STK32B: variants seen among roughly 807,000 people sequenced by gnomAD.
The protein encoded by STK32B is serine/threonine kinase 32B.
A neutral mutation model predicts 52.6 loss-of-function variants in STK32B; 43 were observed. The ratio of observed to expected loss-of-function variants is 0.82; its 90% CI spans 0.64 to 1.05. The LOEUF is 1.05. Ranked by LOEUF, STK32B falls within the 50% of genes least tolerant of loss-of-function variation. The probability of loss-of-function intolerance (pLI) is 0.00; values close to 1 mark genes in which losing one functional copy is unlikely to be tolerated. For synonymous variants in STK32B, 238 were observed against 204.3 expected, an observed-to-expected ratio of 1.17 and a Z score of -1.41; for missense variants, 621 against 534.6, an observed-to-expected ratio of 1.16 and a Z score of -1.59.
chr4:5,189,196 C>T (rs901737487), intron 3 of STK32B, among the ~76,000 whole-genome samples: 1 of 152,110 alleles, frequency 6.6e-6, no homozygotes, highest in South Asian at 2.1e-4. Flanking sequence ...TTAGGGTCTG[C>T]TCTTGGTGTT....
At chr4:5,277,830 C>T (rs896610706) in intron 3 of STK32B, among the ~76,000 whole-genome samples, 1 of 152,166 alleles carries the variant, frequency 6.6e-6, no homozygotes, top group Non-Finnish European at 1.5e-5. Flanking sequence ...AACCTATAAT[C>T]TGGTCCTTTG....
At chr4:5,483,811 G>A (rs1414494230) in intron 11 of STK32B, among the ~76,000 whole-genome samples, 1 of 152,082 alleles carries the variant, frequency 6.6e-6, no homozygotes, top group African/African-American at 2.4e-5. Context: ...TGGTTTCAAA[G>A]AACATCTTTA....
At chr4:5,334,554 C>T (rs1188072586) in intron 4 of STK32B, among the ~76,000 whole-genome samples, 2 of 152,122 alleles carry the variant, frequency 1.3e-5, no homozygotes, top group Middle Eastern at 3.2e-3. Flanking sequence ...TGTCTTGTGC[C>T]AGTTTTCAAA....
At chr4:5,437,380 C>A (rs1205698944) in intron 6 of STK32B, among the ~76,000 whole-genome samples, 1 of 152,240 alleles carries the variant, frequency 6.6e-6, no homozygotes, top group Non-Finnish European at 1.5e-5. Flanking sequence ...CTTTGAGCTT[C>A]CAGTAGCTCC....
intron 5 of STK32B, among the ~76,000 whole-genome samples, chr4:5,405,259 C>T (rs1003074456): frequency 1.3e-5 from 2 of 151,654 alleles, no homozygotes; most frequent in East Asian, 3.9e-4. Flanking sequence ...GAGTGAGGGA[C>T]TGCCCAAGTC....
chr4:5,475,424 CA>C (rs34219344), intron 11 of STK32B, among the ~76,000 whole-genome samples: 194 of 56,936 alleles, frequency 3.4e-3, no homozygotes, highest in African/African-American at 9.5e-3. Context: ...GACTCCATCT[CA>C]AAAAAAAAAA....
At position 5,459,295 on chromosome 4, in the gene STK32B, A is replaced by C. The variant is rs3774821; in HGVS notation, c.784-808A>C. On this transcript the variant is annotated intron_variant, in intron 8 of 11. Transcript: ENST00000282908. ...GGACCCTGGTGTGCCCCCCCCCCCC[A>C]CCTTTCTAAGTATGTGCCAGGTCCT... Among the ~76,000 whole-genome samples the C allele has an allele frequency of 9.4e-3, 1,199 of 127,604 alleles. 11 individuals are homozygous for C. The highest frequency in any genetic ancestry group is 0.011 in the Non-Finnish European group (627 of 59,000). The allele number at this position is 127,604 out of a possible 152,430, so 83.7% of individuals were successfully genotyped here.
At chr4:5,442,376 T>C (rs1436842644) in intron 6 of STK32B, among the ~76,000 whole-genome samples, 1 of 152,124 alleles carries the variant, frequency 6.6e-6, no homozygotes. Context: ...CTTTGTCTCT[T>C]TTGATCTTTG....
At chr4:5,270,759 CTT>C (rs1160624516) in intron 3 of STK32B, among the ~76,000 whole-genome samples, 1 of 152,106 alleles carries the variant, frequency 6.6e-6, no homozygotes, top group Non-Finnish European at 1.5e-5. Flanking sequence ...ATGAATAAAA[CTT>C]TATTTGCTGG....
At chr4:5,105,005 T>C (rs889131655) in intron 1 of STK32B, among the ~76,000 whole-genome samples, 5 of 152,248 alleles carry the variant, frequency 3.3e-5, no homozygotes, top group African/African-American at 1.2e-4. Context: ...ATGCCTGTGC[T>C]CAATTATCTA....
chr4:5,494,380 A>T (rs1481233691), intron 11 of STK32B, among the ~76,000 whole-genome samples: 1 of 151,160 alleles, frequency 6.6e-6, no homozygotes, highest in Non-Finnish European at 1.5e-5. Context: ...CTGTTTTATC[A>T]GAGATTGGGA....
chr4:5,142,061 G>A (rs553594667), intron 2 of STK32B, among the ~76,000 whole-genome samples: 12 of 152,282 alleles, frequency 7.9e-5, no homozygotes, highest in South Asian at 2.1e-4. Flanking sequence ...GCTGGGAGAC[G>A]AGCTCTTCCG....
intron 1 of STK32B, among the ~76,000 whole-genome samples, chr4:5,062,119 CA>C (rs1373508176): frequency 6.6e-6 from 1 of 152,182 alleles, no homozygotes; most frequent in Non-Finnish European, 1.5e-5. Context: ...CCTTCTGTTT[CA>C]AAGGTAAGCT....
intron 2 of STK32B, among the ~76,000 whole-genome samples, chr4:5,146,475 G>C (rs1000846093): frequency 1.3e-5 from 2 of 152,174 alleles, no homozygotes; most frequent in African/African-American, 4.8e-5. Flanking sequence ...TCAGTTTCTT[G>C]CACCTTCTTC....
intron 1 of STK32B, among the ~76,000 whole-genome samples, chr4:5,128,390 T>C (rs1435897868): frequency 6.6e-6 from 1 of 152,228 alleles, no homozygotes; most frequent in Admixed American, 6.5e-5. Context: ...TTGATTCTTT[T>C]CTTGTCCTGA....
intron 3 of STK32B, among the ~76,000 whole-genome samples, chr4:5,323,402 G>T (rs531134141): frequency 6.6e-6 from 1 of 152,268 alleles, no homozygotes; most frequent in South Asian, 2.1e-4. Flanking sequence ...ACTGTGCTGA[G>T]CACGGCTGCT....
intron 11 of STK32B, among the ~76,000 whole-genome samples, chr4:5,493,491 A>G (rs143381592): frequency 0.031 from 4,719 of 152,208 alleles, 226 homozygotes; most frequent in African/African-American, 0.11. Context: ...TAGTCTTCCT[A>G]GCAGTCTATC....
At chr4:5,262,548 C>T (rs1036623681) in intron 3 of STK32B, among the ~76,000 whole-genome samples, 1 of 151,054 alleles carries the variant, frequency 6.6e-6, no homozygotes, top group East Asian at 1.9e-4. Flanking sequence ...TGGCGTGAAC[C>T]TGGGAGATGG....
At chr4:5,148,499 T>C (rs569765871) in intron 2 of STK32B, among the ~76,000 whole-genome samples, 20 of 151,860 alleles carry the variant, frequency 1.3e-4, no homozygotes, top group Non-Finnish European at 2.7e-4. Flanking sequence ...ACCCATGAAT[T>C]ATTTAGTTAT....
Sources: allele counts gnomAD v4.1 joint callset (sites outside exome capture counted in the v4.1 genomes callset), GRCh38; gene constraint gnomAD v4.1.1; transcripts MANE v1.5; gene names NCBI Gene and HGNC (gene_info 2026-07-23, HGNC 2026-07-21).